ITCH: variants seen among roughly 807,000 people sequenced by gnomAD.
The protein encoded by ITCH is itchy E3 ubiquitin protein ligase.
In ITCH, 28 loss-of-function variants were observed where a neutral mutation model predicts 126.8. That is an observed-to-expected ratio of 0.22 (90% CI 0.16 to 0.30). The LOEUF (loss-of-function observed/expected upper bound fraction) is 0.30, where lower values mean the gene tolerates loss of function less well. ITCH is among the 10% of genes least tolerant of loss of function. ITCH has a pLI of 1.00. For synonymous variants in ITCH, 342 were observed against 340.0 expected (o/e 1.01, Z -0.06); for missense variants, 631 against 1,032.4 (o/e 0.61, Z 5.33).
chr20:34,503,888 T>TC (rs1216980125), intron 23 of ITCH, among the ~76,000 whole-genome samples: 1 of 143,772 alleles, frequency 7.0e-6, no homozygotes, highest in Non-Finnish European at 1.5e-5. Flanking sequence ...TTTTTTGGTT[T>TC]TTTTTTTTTT....
rs893912060 is a variant in ITCH, at chr20:34,375,408, G to A, written c.-22+5938G>A. Among the ~76,000 whole-genome samples, 5 of 147,218 alleles carry A rather than the reference G, an allele frequency of 3.4e-5. No homozygotes were observed. In the South Asian group the frequency reaches 6.4e-4, roughly 19 times the overall value. On this transcript the variant is annotated intron_variant, in intron 2 of 24. Transcript: ENST00000374864. ...AGGTTATGTATATGTTATTTAGCTC[G>A]ATTTAGCCATTCCACAACATGTACA... is the stretch of plus-strand genomic sequence containing the variant.
intron 8 of ITCH, 103 bp from the exon 9 acceptor site, chr20:34,440,052 G>A (rs964905948): frequency 1.2e-6 from 1 of 831,628 alleles, no homozygotes; most frequent in Non-Finnish European, 2.0e-6. Flanking sequence ...TACATCTTAA[G>A]TTTTATATTT....
At chr20:34,400,903 A>T (rs1253734839) in intron 3 of ITCH, among the ~76,000 whole-genome samples, 1 of 152,068 alleles carries the variant, frequency 6.6e-6, no homozygotes, top group Non-Finnish European at 1.5e-5. Context: ...TATTGCAGGC[A>T]TGCACCACTG....
intron 12 of ITCH, among the ~76,000 whole-genome samples, chr20:34,453,999 A>C (rs565102819): frequency 2.0e-5 from 3 of 152,030 alleles, no homozygotes; most frequent in South Asian, 4.2e-4. Context: ...GCTCCGTCTC[A>C]AAAAAGAAGA....
At chr20:34,433,921 G>A (rs2146262181) in intron 7 of ITCH, among the ~76,000 whole-genome samples, 1 of 152,038 alleles carries the variant, frequency 6.6e-6, no homozygotes, top group Non-Finnish European at 1.5e-5. Flanking sequence ...GATGTAGGAT[G>A]GCAGATAATT....
In ITCH at chr20:34,440,318, T is replaced by C. The variant is rs1262636762; in HGVS notation, c.843T>C (p.Pro281=). ...GCTCAGGCCCTAGGCCATTAAATCC[T>C]GTAACTCAAGCTCCCTTGCCACCTG... ...SGGSGPRPLN[P]VTQAPLPPGW... is the part of the protein sequence containing the mutation. The change falls in exon 9 of 25, where the codon CCT becomes CCC. Residue 281 remains proline, a synonymous_variant. Transcript: ENST00000374864. 2.5e-6 allele frequency: 4 copies of C among 1,614,028 alleles called. No individual in the cohort carries two copies. The highest frequency in any genetic ancestry group is 3.4e-6 in the Non-Finnish European group (4 of 1,179,954).
At chr20:34,369,948 A>T (rs116351614) in intron 2 of ITCH, among the ~76,000 whole-genome samples, 6 of 151,200 alleles carry the variant, frequency 4.0e-5, no homozygotes, top group East Asian at 1.9e-4. Flanking sequence ...CACACAAAAT[A>T]AAAAAAAATC....
chr20:34,433,523 C>G (rs1050269087), intron 7 of ITCH, among the ~76,000 whole-genome samples: 2 of 151,914 alleles, frequency 1.3e-5, no homozygotes, highest in African/African-American at 4.8e-5. Flanking sequence ...ACAAAAAATA[C>G]AAAAATTAGC....
At chr20:34,441,801 G>A (rs1379253420) in intron 9 of ITCH, 1 of 229,686 alleles carries the variant, frequency 4.4e-6, no homozygotes, top group Non-Finnish European at 8.8e-6. Flanking sequence ...GGCCAGGCTG[G>A]TCTTGAACTC....
At chr20:34,463,015 TTC>T (rs769073261) in intron 14 of ITCH, among the ~76,000 whole-genome samples, 47 of 152,338 alleles carry the variant, frequency 3.1e-4, no homozygotes, top group Non-Finnish European at 6.0e-4. Flanking sequence ...TTTGCATTGT[TTC>T]TGTTTTTTGG....
rs1022980921 is a variant in ITCH, at chr20:34,432,093, C to T, written c.522-6381C>T. 9.8e-5 allele frequency among the ~76,000 whole-genome samples: 14 copies of T among 142,670 alleles called. No homozygotes were observed. In the East Asian group the frequency reaches 1.4e-3, roughly 14 times the overall value. The allele number at this position is 142,670 out of a possible 152,430, so 93.6% of individuals were successfully genotyped here. A position where few individuals can be genotyped will look rare whatever the true frequency, so the allele number is the denominator to read the frequency against. The stretch of plus-strand genomic sequence containing the variant: ...AGATGGGACATTTAACACTATCAAA[C>T]GCTGCAAAAGAGAATTAAGTCTTAG... On this transcript the variant is annotated intron_variant, in intron 7 of 24. Coordinates refer to ENST00000374864, the MANE Select transcript of ITCH (RefSeq NM_031483.7).
intron 23 of ITCH, among the ~76,000 whole-genome samples, chr20:34,495,316 T>TATATATAC (rs796826383): frequency 9.8e-5 from 13 of 132,278 alleles, no homozygotes; most frequent in African/African-American, 3.3e-4. Flanking sequence ...TATATATATA[T>TATATATAC]ACACACGCAC....
rs971111963 is a variant in ITCH at position 34,511,543 on chromosome 20, G to A, written c.*3749G>A. On this transcript the variant is annotated 3_prime_UTR_variant, in exon 25 of 25. Coordinates refer to ENST00000374864, the MANE Select transcript of ITCH (RefSeq NM_031483.7). ...CAAGTTACAGCCCATCTGGATTGTG[G>A]TATTGTTCCCAGACCAAATCAAGGG... 3 of 152,124 alleles carry A rather than the reference G, an allele frequency of 2.0e-5. No individual in the cohort carries two copies. The highest frequency in any genetic ancestry group is 4.8e-5 in the African/African-American group (2 of 41,414). 9.4% of individuals were successfully genotyped at this position (152,124 alleles called of 1,614,324 possible).
chr20:34,457,524 T>C (rs1316373204), intron 13 of ITCH, 50 bp downstream of exon 13: 4 of 1,228,276 alleles, frequency 3.3e-6, no homozygotes, highest in South Asian at 1.2e-5. Context: ...TTATACCTTA[T>C]TTCTAACAAC....
chr20:34,472,094 C>T (rs1237990662), intron 16 of ITCH, among the ~76,000 whole-genome samples: 2 of 151,972 alleles, frequency 1.3e-5, no homozygotes, highest in Admixed American at 6.6e-5. Context: ...TTAATTTACT[C>T]GCTGGGCACG....
chr20:34,445,260 G>GTTTTTTTTTTTTTTTTTTTT, intron 10 of ITCH, 27 bp from the exon 11 acceptor site: 2 of 1,435,912 alleles, frequency 1.4e-6, no homozygotes, highest in African/African-American at 1.5e-5. Flanking sequence ...GAATTAGCTT[G>GTTTTTTTTTTTTTTTTTTTT]TTTTTTTTTT....
intron 20 of ITCH, among the ~76,000 whole-genome samples, chr20:34,485,310 G>T (rs1442000254): frequency 1.3e-5 from 2 of 152,172 alleles, no homozygotes; most frequent in African/African-American, 4.8e-5. Context: ...ACCTAGGAGT[G>T]AAATCGCTGG....
chr20:34,474,248 G>C (rs1422395756), intron 16 of ITCH, among the ~76,000 whole-genome samples: 1 of 152,130 alleles, frequency 6.6e-6, no homozygotes, highest in East Asian at 1.9e-4. Context: ...ATAGTGGAGG[G>C]AAGGTCAGCA....
chr20:34,498,916 T>C (rs756414699), intron 23 of ITCH, among the ~76,000 whole-genome samples: 14 of 152,052 alleles, frequency 9.2e-5, no homozygotes, highest in Non-Finnish European at 1.8e-4. Flanking sequence ...TATTAGTTCT[T>C]CTTTAAATGT....
Sources: allele counts gnomAD v4.1 joint callset (sites outside exome capture counted in the v4.1 genomes callset), GRCh38; gene constraint gnomAD v4.1.1; transcripts MANE v1.5; gene names NCBI Gene and HGNC (gene_info 2026-07-23, HGNC 2026-07-21).